CANX: variants seen among roughly 807,000 people sequenced by gnomAD.
CANX encodes calnexin.
CANX carries 14 observed loss-of-function variants against 75.7 expected under a neutral mutation model. The observed-to-expected ratio is 0.19, with a 90% confidence interval of 0.12 to 0.29. The LOEUF (loss-of-function observed/expected upper bound fraction) is 0.29, where lower values mean the gene tolerates loss of function less well. Among genes scored for constraint, CANX ranks in the 10% least tolerant of loss-of-function variants. CANX has a pLI of 1.00. For synonymous variants in CANX, 227 were observed against 236.9 expected (o/e 0.96, Z 0.38); for missense variants, 567 against 713.2 (o/e 0.79, Z 2.34).
At chr5:179,682,598 T>C (rs1242414422) in intron 1 of CANX, among the ~76,000 whole-genome samples, 1 of 149,920 alleles carries the variant, frequency 6.7e-6, no homozygotes, top group African/African-American at 2.5e-5. Flanking sequence ...TAATCCTAGC[T>C]ACTTGGGAGG....
At chr5:179,691,652 C>T (rs1156903601) in intron 1 of CANX, among the ~76,000 whole-genome samples, 1 of 152,200 alleles carries the variant, frequency 6.6e-6, no homozygotes, top group Non-Finnish European at 1.5e-5. Flanking sequence ...ACACTGCAAT[C>T]CCAGCTCGGG....
chr5:179,704,905 C>A (rs760472707), intron 1 of CANX, among the ~76,000 whole-genome samples: 1 of 152,054 alleles, frequency 6.6e-6, no homozygotes, highest in Non-Finnish European at 1.5e-5. Flanking sequence ...TTTTTGAGTT[C>A]TAAAACGCTA....
chr5:179,721,598 T>C (rs1778316565), intron 10 of CANX, among the ~76,000 whole-genome samples: 1 of 152,154 alleles, frequency 6.6e-6, no homozygotes, highest in Admixed American at 6.6e-5. Context: ...CTGCTTGGCC[T>C]CAATGCTTGC....
At chr5:179,690,462 G>A (rs1165461960) in intron 1 of CANX, among the ~76,000 whole-genome samples, 1 of 151,192 alleles carries the variant, frequency 6.6e-6, no homozygotes, top group African/African-American at 2.4e-5. Flanking sequence ...TGTAATCCCA[G>A]CTACTTGGGA....
At chr5:179,692,247 G>A (rs1353022099) in intron 1 of CANX, among the ~76,000 whole-genome samples, 1 of 151,838 alleles carries the variant, frequency 6.6e-6, no homozygotes, top group Non-Finnish European at 1.5e-5. Context: ...GCTAATTTTT[G>A]TATTTTTAGT....
At chr5:179,713,093 T>G (rs1777691959) in intron 7 of CANX, among the ~76,000 whole-genome samples, 1 of 151,704 alleles carries the variant, frequency 6.6e-6, no homozygotes, top group African/African-American at 2.4e-5. Flanking sequence ...CTTTTTTTCT[T>G]TTTTTTGTGA....
At chr5:179,688,278 C>A (rs1206751466) in intron 1 of CANX, among the ~76,000 whole-genome samples, 2 of 151,026 alleles carry the variant, frequency 1.3e-5, no homozygotes, top group Non-Finnish European at 2.9e-5. Context: ...TGGTCTTGAT[C>A]TCTTGACCTC....
At chr5:179,719,900 C>A in intron 9 of CANX, 119 bp downstream of exon 9, 1 of 618,678 alleles carries the variant, frequency 1.6e-6, no homozygotes, top group South Asian at 2.0e-5. Flanking sequence ...CGGCTCACTG[C>A]AACTTTCACC....
chr5:179,712,485 C>G (rs1287686353), intron 7 of CANX, among the ~76,000 whole-genome samples: 1 of 151,314 alleles, frequency 6.6e-6, no homozygotes, highest in African/African-American at 2.4e-5. Flanking sequence ...ATTGTGTGAT[C>G]TTGGCTCACC....
At chr5:179,717,278 A>T (rs1215583599) in intron 8 of CANX, among the ~76,000 whole-genome samples, 1 of 152,202 alleles carries the variant, frequency 6.6e-6, no homozygotes, top group Admixed American at 6.5e-5. Flanking sequence ...TATTTGGTGT[A>T]TATTAGATTT....
At chr5:179,713,323 C>T (rs890428596) in intron 7 of CANX, among the ~76,000 whole-genome samples, 4 of 152,164 alleles carry the variant, frequency 2.6e-5, no homozygotes, top group African/African-American at 4.8e-5. Context: ...CCGCCCACCT[C>T]GGCCTCCCAA....
chr5:179,683,814 G>A (rs1188899283), intron 1 of CANX, among the ~76,000 whole-genome samples: 1 of 152,140 alleles, frequency 6.6e-6, no homozygotes, highest in Middle Eastern at 3.2e-3. Flanking sequence ...AATTACAGGT[G>A]TGAGCCACCG....
upstream of CANX, among the ~76,000 whole-genome samples, chr5:179,695,106 G>C (rs1294652705): frequency 6.6e-6 from 1 of 150,848 alleles, no homozygotes; most frequent in Non-Finnish European, 1.5e-5. Flanking sequence ...CTGGAGTGCA[G>C]TGGCGCGATC....
rs780392943 is a variant in CANX at position 179,709,967 on chromosome 5, A to G, written c.623A>G (p.Asn208Ser). 4 of 1,613,122 alleles carry G rather than the reference A, an allele frequency of 2.5e-6. No homozygotes were observed. Among genetic ancestry groups the G allele is most frequent in the Non-Finnish European group, 2.5e-6 (3 of 1,179,352 alleles). Residue 208 changes from asparagine (N) to serine (S), a missense_variant, in exon 7 of 15, where the codon AAC becomes AGC. Asn to Ser is a conservative substitution (Grantham distance 46). Coordinates refer to ENST00000247461, the MANE Select transcript of CANX (RefSeq NM_001746.4). Reference protein sequence around the residue: ...YKLHFIFRHKNPKTGIYEEKH... With the variant: ...YKLHFIFRHKSPKTGIYEEKH... ...CTGCACTTCATCTTCCGACACAAAA[A>G]CCCCAAAACGGGTATCTATGAAGAA... is the stretch of plus-strand genomic sequence containing the variant.
At chr5:179,681,088 C>T (rs1312582394) in intron 1 of CANX, 1 of 618,998 alleles carries the variant, frequency 1.6e-6, no homozygotes, top group Non-Finnish European at 2.9e-6. Flanking sequence ...CTCACAATGC[C>T]TCCAGGCCAG....
chr5:179,694,700 T>C, upstream of CANX: 1 of 702,680 alleles, frequency 1.4e-6, no homozygotes, highest in Non-Finnish European at 2.6e-6. Context: ...AGCGTCCTGC[T>C]AAAGTTGCCT....
At chr5:179,688,870 G>C (rs1042812149) in intron 1 of CANX, among the ~76,000 whole-genome samples, 6 of 151,594 alleles carry the variant, frequency 4.0e-5, no homozygotes, top group Non-Finnish European at 8.8e-5. Flanking sequence ...GATAACTTGA[G>C]GCCAGGAGTT....
At position 179,724,782 on chromosome 5, in the gene CANX, T is replaced by C. The variant is rs763115954; in HGVS notation, c.1644T>C (p.Leu548=). 3 of 1,604,388 alleles carry C rather than the reference T, an allele frequency of 1.9e-6. No individual in the cohort carries two copies. In the African/African-American group the frequency reaches 4.0e-5, roughly 22 times the overall value. Reference sequence around the variant, plus strand: ...AGGAGGAGGAAGGAGAAGAGAAACTTGGTAAGAAACAGAGTCCAGAAAATC... The same window carrying C: ...AGGAGGAGGAAGGAGAAGAGAAACTCGGTAAGAAACAGAGTCCAGAAAATC... The part of the protein sequence containing the change: ...GDEEEEGEEK[L]EEKQKSDAEE... Residue 548 remains leucine (L), a splice_region_variant and synonymous_variant, in exon 13 of 15, where the codon CTT becomes CTC. Coordinates refer to ENST00000247461, the MANE Select transcript of CANX (RefSeq NM_001746.4).
intron 10 of CANX, among the ~76,000 whole-genome samples, chr5:179,721,633 A>C (rs1778318260): frequency 6.6e-6 from 1 of 152,180 alleles, no homozygotes; most frequent in Non-Finnish European, 1.5e-5. Context: ...TGAGGCCCAA[A>C]AGAGATGGTA....
Sources: allele counts gnomAD v4.1 joint callset (sites outside exome capture counted in the v4.1 genomes callset), GRCh38; gene constraint gnomAD v4.1.1; transcripts MANE v1.5; gene names NCBI Gene and HGNC (gene_info 2026-07-23, HGNC 2026-07-21).